Variants in SLC25A12 observed in about 807,000 individuals in gnomAD.
The protein encoded by SLC25A12 is electrogenic aspartate/glutamate antiporter SLC25A12, mitochondrial.
SLC25A12 carries 32 observed loss-of-function variants against 83.3 expected under a neutral mutation model. That is an observed-to-expected ratio of 0.38 (90% confidence interval 0.29 to 0.52). The LOEUF (loss-of-function observed/expected upper bound fraction) is 0.52. Ranked by LOEUF, SLC25A12 falls within the 20% of genes least tolerant of loss-of-function variation. The pLI, the probability that SLC25A12 is intolerant of heterozygous loss-of-function variation, is 0.84. For synonymous variants in SLC25A12, 267 were observed against 291.1 expected (o/e 0.92, Z 0.84); for missense variants, 611 against 835.6 (o/e 0.73, Z 3.31).
chr2:171,889,549 T>C (rs139014013), intron 2 of SLC25A12, among the ~76,000 whole-genome samples: 25 of 152,340 alleles, frequency 1.6e-4, no homozygotes, highest in African/African-American at 6.0e-4. Flanking sequence ...CCACTTCAAT[T>C]TGCCTACTCA....
intron 13 of SLC25A12, among the ~76,000 whole-genome samples, chr2:171,797,600 A>T (rs188979206): frequency 6.6e-5 from 10 of 152,296 alleles, no homozygotes; most frequent in African/African-American, 2.4e-4. Context: ...TTCTTTATAG[A>T]CTAAGTCTTC....
intron 2 of SLC25A12, among the ~76,000 whole-genome samples, chr2:171,891,967 T>G (rs547881949): frequency 6.6e-6 from 1 of 152,336 alleles, no homozygotes; most frequent in Non-Finnish European, 1.5e-5. Context: ...GCAAACCACA[T>G]ATCTCAAATA....
chr2:171,881,597 G>C (rs1405991587), intron 2 of SLC25A12, among the ~76,000 whole-genome samples: 1 of 152,080 alleles, frequency 6.6e-6, no homozygotes, highest in African/African-American at 2.4e-5. Context: ...TGGCTTTTGG[G>C]GTAGAGCTCA....
intron 2 of SLC25A12, among the ~76,000 whole-genome samples, chr2:171,890,767 G>C (rs1308638161): frequency 6.6e-6 from 1 of 152,130 alleles, no homozygotes; most frequent in African/African-American, 2.4e-5. Context: ...ACAGGTGTGA[G>C]CTACTGCACT....
chr2:171,826,264 C>G (rs1345652972), intron 9 of SLC25A12, among the ~76,000 whole-genome samples: 4 of 152,166 alleles, frequency 2.6e-5, no homozygotes, highest in Admixed American at 6.6e-5. Context: ...TTTTCCTTAT[C>G]TGAACAAAAC....
intron 5 of SLC25A12, 118 bp from the exon 6 acceptor site, chr2:171,837,385 A>C: frequency 9.4e-7 from 1 of 1,061,122 alleles, no homozygotes; most frequent in Non-Finnish European, 1.4e-6. Context: ...AAAACAAACA[A>C]TGCACAGATC....
chr2:171,881,794 C>T (rs1378699859), intron 2 of SLC25A12, among the ~76,000 whole-genome samples: 1 of 152,088 alleles, frequency 6.6e-6, no homozygotes, highest in Non-Finnish European at 1.5e-5. Flanking sequence ...CAATAGCAAT[C>T]TGTGTTGAAC....
At chr2:171,849,210 T>A (rs1416255163) in intron 4 of SLC25A12, among the ~76,000 whole-genome samples, 1 of 151,922 alleles carries the variant, frequency 6.6e-6, no homozygotes, top group Non-Finnish European at 1.5e-5. Context: ...AATAAATACA[T>A]ACATACATAC....
rs200941786 is a variant in SLC25A12, at chr2:171,792,460, C to CT, written c.1447-872dup. 4.7e-3 allele frequency among the ~76,000 whole-genome samples: 690 copies of CT among 147,502 alleles called. 4 individuals carry two copies. The highest frequency in any genetic ancestry group is 0.016 in the African/African-American group (623 of 39,934). ...GCACCACTGTGCCGGCTAATTTTTTCTTTCTTTTTTTTTTTTAAGGTAGAC... is the reference window on the plus strand; with the variant it reads ...GCACCACTGTGCCGGCTAATTTTTTCTTTTCTTTTTTTTTTTTAAGGTAGAC... On this transcript the variant is annotated intron_variant, in intron 14 of 17. Coordinates refer to ENST00000422440, the MANE Select transcript of SLC25A12 (RefSeq NM_003705.5).
intron 14 of SLC25A12, 104 bp from the exon 15 acceptor site, chr2:171,791,693 C>T: frequency 9.2e-7 from 1 of 1,082,268 alleles, no homozygotes; most frequent in Non-Finnish European, 1.4e-6. Context: ...AGGTGTCCCT[C>T]AGTGACAAGC....
At position 171,784,878 on chromosome 2, in the gene SLC25A12, A is replaced by G; in HGVS notation, c.*396T>C. ...GTGTGATTCTTAATAAAACACTTTC[A>G]AAACATTCTGTACATTTCAAGCCAC... On this transcript the variant is annotated 3_prime_UTR_variant, in exon 18 of 18. Coordinates refer to ENST00000422440, the MANE Select transcript of SLC25A12 (RefSeq NM_003705.5). The G allele has an allele frequency of 5.2e-6, 1 of 193,460 alleles. No homozygotes were observed. The highest frequency in any genetic ancestry group is 1.1e-5 in the Non-Finnish European group (1 of 91,096). The allele number at this position is 193,460 out of a possible 1,614,324, so 12.0% of individuals were successfully genotyped here. A position where few individuals can be genotyped will look rare whatever the true frequency, so the allele number is the denominator to read the frequency against.
rs77374377 is a variant in SLC25A12, at chr2:171,801,170, C to T, written c.1306-7403G>A. 1.7e-3 allele frequency among the ~76,000 whole-genome samples: 261 copies of T among 152,292 alleles called. 1 individual carries two copies. The highest frequency in any genetic ancestry group is 6.1e-3 in the African/African-American group (255 of 41,566). On this transcript the variant is annotated intron_variant, in intron 13 of 17. Transcript: ENST00000422440. Reference sequence around the variant, plus strand: ...AGGAAGGAAAGAGGCAAGAAAGTCACTATAAAGTTGAATAGTGTCATCTAG... The same window carrying T: ...AGGAAGGAAAGAGGCAAGAAAGTCATTATAAAGTTGAATAGTGTCATCTAG...
At chr2:171,831,036 T>C (rs1684419937) in intron 8 of SLC25A12, among the ~76,000 whole-genome samples, 1 of 152,246 alleles carries the variant, frequency 6.6e-6, no homozygotes, top group Non-Finnish European at 1.5e-5. Context: ...AGTGCATCAG[T>C]GACTGAGCAG....
In SLC25A12 at chr2:171,784,441, T is replaced by A. The variant is rs921170429; in HGVS notation, c.*833A>T. 9.9e-5 allele frequency: 15 copies of A among 152,284 alleles called. No individual in the cohort carries two copies. The highest frequency in any genetic ancestry group is 3.6e-4 in the African/African-American group (15 of 41,480). The allele number at this position is 152,284 out of a possible 1,614,324, so 9.4% of individuals were successfully genotyped here. A position where few individuals can be genotyped will look rare whatever the true frequency, so the allele number is the denominator to read the frequency against. ...GAAGGGAAATTGTGAAAGTATCCTT[T>A]ACTCTTTTGAAAGCTTGGCCTTTGC... is the stretch of plus-strand genomic sequence containing the variant. On this transcript the variant is annotated 3_prime_UTR_variant, in exon 18 of 18. Transcript: ENST00000422440.
intron 3 of SLC25A12, among the ~76,000 whole-genome samples, chr2:171,867,656 G>T (rs1685364978): frequency 6.6e-6 from 1 of 151,928 alleles, no homozygotes; most frequent in African/African-American, 2.4e-5. Context: ...AGAGGGAGAG[G>T]GAGAGCGCCT....
chr2:171,813,764 A>T (rs1293769149), intron 10 of SLC25A12, among the ~76,000 whole-genome samples: 1 of 152,254 alleles, frequency 6.6e-6, no homozygotes, highest in African/African-American at 2.4e-5. Flanking sequence ...AGAGTGGATT[A>T]TCGAGTCACT....
rs545601018 is a variant in SLC25A12 at position 171,815,942 on chromosome 2, A to G, written c.931-740T>C. Among the ~76,000 whole-genome samples, 2 of 152,160 alleles carry G rather than the reference A, an allele frequency of 1.3e-5. 1 individual carries two copies. Among genetic ancestry groups the G allele is most frequent in the South Asian group, 4.1e-4 (2 of 4,826 alleles). On this transcript the variant is annotated intron_variant, in intron 9 of 17. Transcript: ENST00000422440. ...AATTATATATACATAAACTTAATATACATTATAAAATTACACATAAGATGT... is the reference window on the plus strand; with the variant it reads ...AATTATATATACATAAACTTAATATGCATTATAAAATTACACATAAGATGT...
intron 2 of SLC25A12, among the ~76,000 whole-genome samples, chr2:171,880,794 A>G (rs1685678288): frequency 6.6e-6 from 1 of 152,212 alleles, no homozygotes; most frequent in Non-Finnish European, 1.5e-5. Flanking sequence ...TTTCATAACA[A>G]AGTTATTTAA....
At chr2:171,790,131 C>T (rs1404751999) in intron 15 of SLC25A12, among the ~76,000 whole-genome samples, 1 of 152,198 alleles carries the variant, frequency 6.6e-6, no homozygotes, top group Non-Finnish European at 1.5e-5. Context: ...CGTGGTCCAT[C>T]GCAACACTCT....
Sources: allele counts gnomAD v4.1 joint callset (sites outside exome capture counted in the v4.1 genomes callset), GRCh38; gene constraint gnomAD v4.1.1; transcripts MANE v1.5; gene names NCBI Gene and HGNC (gene_info 2026-07-23, HGNC 2026-07-21).